Variants in GALNT18 observed in about 807,000 individuals in gnomAD.
GALNT18 encodes GalNAc-transferase 18.
A neutral mutation model predicts 69.5 loss-of-function variants in GALNT18; 44 were observed. The ratio of observed to expected loss-of-function variants is 0.63; its 90% CI spans 0.50 to 0.81. GALNT18 has a LOEUF of 0.81. Ranked by LOEUF, GALNT18 falls within the 40% of genes least tolerant of loss-of-function variation. The pLI, the probability that GALNT18 is intolerant of heterozygous loss-of-function variation, is 0.00. For missense variants in GALNT18, 715 were observed against 810.0 expected (o/e 0.88, Z 1.42); for synonymous variants, 364 against 318.2 (o/e 1.14, Z -1.53).
intron 6 of GALNT18, chr11:11,352,117 C>A (rs771189314): frequency 3.5e-5 from 57 of 1,613,532 alleles, no homozygotes; most frequent in Non-Finnish European, 4.8e-5. Context: ...CTAGATGAAC[C>A]CATTCGAGCC....
chr11:11,583,111 C>T lies in GALNT18; in HGVS notation c.235+38248G>A, dbSNP rs1859125505. The stretch of plus-strand genomic sequence containing the variant: ...AGGGCCAGCAAAGCCTGGTGCTTTC[C>T]AGCTCTTTCCTGAGAAGTTACACTC... On this transcript the variant is annotated intron_variant, in intron 1 of 10. Coordinates refer to ENST00000227756, the MANE Select transcript of GALNT18 (RefSeq NM_198516.3). This position sits in a 1 kb window ranked among gnomAD's most constrained non-coding sequence, Gnocchi z 4.7. Among the ~76,000 whole-genome samples the T allele has an allele frequency of 6.6e-6, 1 of 152,224 alleles. No individual in the cohort carries two copies. Among genetic ancestry groups the T allele is most frequent in the Non-Finnish European group, 1.5e-5 (1 of 68,038 alleles).
In GALNT18 at chr11:11,388,716, A is replaced by G. The variant is rs538033558; in HGVS notation, c.596-9452T>C. Among the ~76,000 whole-genome samples the G allele has an allele frequency of 2.3e-4, 35 of 152,146 alleles. No individual in the cohort carries two copies. The South Asian group carries it at 7.1e-3, about 31-fold the overall frequency. On this transcript the variant is annotated intron_variant, in intron 3 of 10. Coordinates refer to ENST00000227756, the MANE Select transcript of GALNT18 (RefSeq NM_198516.3). ...CCCAGGGCTGGTCTAACGCTCTGTG[A>G]CCCTTCCCCTACACCACATAATGTG...
Position 11,621,049 on chromosome 11 carries a change from G to A in GALNT18, c.235+310C>T, listed in dbSNP as rs930720989. Among the ~76,000 whole-genome samples the A allele has an allele frequency of 6.6e-6, 1 of 152,148 alleles. No homozygotes were observed. The highest frequency in any genetic ancestry group is 2.4e-5 in the African/African-American group (1 of 41,438). ...CTTGTGTGCGATCCCGAGAGCCCGC[G>A]AGCAACCAGCCCAGAGTCACACGCA... On this transcript the variant is annotated intron_variant, in intron 1 of 10. Coordinates refer to ENST00000227756, the MANE Select transcript of GALNT18 (RefSeq NM_198516.3). This position sits in a 1 kb window ranked among gnomAD's most constrained non-coding sequence, Gnocchi z 9.3.
At chr11:11,378,505 TC>T (rs1352644721) in intron 4 of GALNT18, among the ~76,000 whole-genome samples, 4 of 152,196 alleles carry the variant, frequency 2.6e-5, no homozygotes, top group Admixed American at 2.0e-4. Context: ...TTCTGTCTGG[TC>T]CCTTTCCCCC....
At chr11:11,581,063 T>C (rs1251948550) in intron 1 of GALNT18, among the ~76,000 whole-genome samples, 2 of 152,366 alleles carry the variant, frequency 1.3e-5, no homozygotes, top group East Asian at 1.9e-4. Flanking sequence ...ATTTATGTGC[T>C]GCATGTGTTT....
chr11:11,273,671 A>G (rs948817634), intron 10 of GALNT18, among the ~76,000 whole-genome samples: 2 of 152,208 alleles, frequency 1.3e-5, no homozygotes, highest in African/African-American at 4.8e-5. Context: ...CTACTGTATA[A>G]TCTAGCAATC....
Position 11,293,055 on chromosome 11 carries a change from T to C in GALNT18, c.1651A>G (p.Met551Val), listed in dbSNP as rs1209707485. Residue 551 changes from methionine to valine, a missense_variant, in exon 10 of 11, where the codon ATG becomes GTG. Coordinates refer to ENST00000227756, the MANE Select transcript of GALNT18 (RefSeq NM_198516.3). ...IECSYAKAKRMKLHWQFSQGG... is the reference protein window; with the variant it reads ...IECSYAKAKRVKLHWQFSQGG... ...TGAGAGAACTGCCAGTGAAGCTTCA[T>C]CCTCTTGGCTTTGGCGTAGCTGCAT... The C allele has an allele frequency of 1.1e-5, 15 of 1,387,986 alleles. No individual in the cohort carries two copies. The highest frequency in any genetic ancestry group is 1.4e-5 in the Non-Finnish European group (15 of 1,062,118). The allele number at this position is 1,387,986 out of a possible 1,614,324, so 86.0% of individuals were successfully genotyped here. A position where few individuals can be genotyped will look rare whatever the true frequency, so the allele number is the denominator to read the frequency against.
chr11:11,316,203 G>A (rs1369682883), intron 9 of GALNT18, among the ~76,000 whole-genome samples: 42 of 152,134 alleles, frequency 2.8e-4, no homozygotes, highest in Admixed American at 2.7e-3. Context: ...GAGTCATGGA[G>A]GGCACAAGAA....
In GALNT18 at chr11:11,377,143, G is replaced by A; in HGVS notation, c.977+39C>T. 2 of 1,593,522 alleles carry A rather than the reference G, an allele frequency of 1.3e-6. No homozygotes were observed. The highest frequency in any genetic ancestry group is 1.7e-6 in the Non-Finnish European group (2 of 1,163,802). On this transcript the variant is annotated intron_variant, in intron 5 of 10. Coordinates refer to ENST00000227756, the MANE Select transcript of GALNT18 (RefSeq NM_198516.3). This position sits in a 1 kb window ranked among gnomAD's most constrained non-coding sequence, Gnocchi z 4.6. The stretch of plus-strand genomic sequence containing the variant: ...CCAGTAGGCGGTCCCTAGCCTGGAG[G>A]TCAAAGCGGAGAGACCCACAGGTAA...
intron 1 of GALNT18, among the ~76,000 whole-genome samples, chr11:11,585,053 AAT>A (rs1453528335): frequency 1.3e-5 from 2 of 152,358 alleles, no homozygotes; most frequent in Admixed American, 1.3e-4. Context: ...TGTATAATAA[AAT>A]ATGTCCACAT....
rs1382135934 is a variant in GALNT18 at position 11,505,268 on chromosome 11, T to A, written c.236-56332A>T. ...AGTGTCTGCTATGATTAGTCATGGATTGGTTGTGAGATATTATGAATATCA... is the reference window on the plus strand; with the variant it reads ...AGTGTCTGCTATGATTAGTCATGGAATGGTTGTGAGATATTATGAATATCA... On this transcript the variant is annotated intron_variant, in intron 1 of 10. Coordinates refer to ENST00000227756, the MANE Select transcript of GALNT18 (RefSeq NM_198516.3). This position sits in a 1 kb window ranked among gnomAD's most constrained non-coding sequence, Gnocchi z 4.6. Among the ~76,000 whole-genome samples the A allele has an allele frequency of 6.6e-6, 1 of 152,198 alleles. No homozygotes were observed. Among genetic ancestry groups the A allele is most frequent in the African/African-American group, 2.4e-5 (1 of 41,444 alleles).
chr11:11,374,914 AC>A (rs1853704928), intron 5 of GALNT18, among the ~76,000 whole-genome samples: 1 of 152,238 alleles, frequency 6.6e-6, no homozygotes, highest in Non-Finnish European at 1.5e-5. Flanking sequence ...GTGGAAATGA[AC>A]ACACATGGTC....
At chr11:11,565,712 C>A (rs1190625273) in intron 1 of GALNT18, among the ~76,000 whole-genome samples, 1 of 152,214 alleles carries the variant, frequency 6.6e-6, no homozygotes, top group Non-Finnish European at 1.5e-5. Flanking sequence ...CCTCCACAAA[C>A]TAGTGGGTGA....
intron 6 of GALNT18, among the ~76,000 whole-genome samples, chr11:11,365,224 C>A (rs1248998485): frequency 6.6e-6 from 1 of 152,088 alleles, no homozygotes; most frequent in Admixed American, 6.6e-5. Context: ...TCAACTTCCA[C>A]TTATGGGTGA....
intron 3 of GALNT18, among the ~76,000 whole-genome samples, chr11:11,427,044 T>A (rs532869363): frequency 3.5e-4 from 53 of 152,326 alleles, no homozygotes; most frequent in African/African-American, 1.1e-3. Flanking sequence ...CCTACCAAAG[T>A]GCTGGGATTA....
At chr11:11,476,334 T>C (rs888503233) in intron 1 of GALNT18, 7 of 152,240 alleles carry the variant, frequency 4.6e-5, no homozygotes, top group Admixed American at 6.5e-5. Flanking sequence ...AGCTGACTTA[T>C]CAGGGCCTGG....
In GALNT18 at chr11:11,620,693, T is replaced by A. The variant is rs537403403; in HGVS notation, c.235+666A>T. On this transcript the variant is annotated intron_variant, in intron 1 of 10. Coordinates refer to ENST00000227756, the MANE Select transcript of GALNT18 (RefSeq NM_198516.3). This position sits in a 1 kb window ranked among gnomAD's most constrained non-coding sequence, Gnocchi z 6.9. ...GAGACTCCAGCGCTACTTCCCGGCG[T>A]TGACACCTGCTCCTGGAGAGGGTCC... is the stretch of plus-strand genomic sequence containing the variant. Among the ~76,000 whole-genome samples, 38 of 152,166 alleles carry A rather than the reference T, an allele frequency of 2.5e-4. No individual in the cohort carries two copies. The highest frequency in any genetic ancestry group is 1.2e-3 in the South Asian group (6 of 4,814).
intron 3 of GALNT18, among the ~76,000 whole-genome samples, chr11:11,393,823 CTCTCA>C: frequency 6.6e-6 from 1 of 152,340 alleles, no homozygotes; most frequent in Non-Finnish European, 1.5e-5. Context: ...CGTCATAGTC[CTCTCA>C]TGAGATTTAC....
intron 1 of GALNT18, among the ~76,000 whole-genome samples, chr11:11,588,270 G>T (rs1231509121): frequency 6.6e-6 from 1 of 152,038 alleles, no homozygotes; most frequent in African/African-American, 2.4e-5. Flanking sequence ...TCCCCTATTG[G>T]ACTGTGAGCT....
Sources: allele counts gnomAD v4.1 joint callset (sites outside exome capture counted in the v4.1 genomes callset), GRCh38; gene constraint gnomAD v4.1.1; non-coding constraint Gnocchi (gnomAD v3.1); transcripts MANE v1.5; gene names NCBI Gene and HGNC (gene_info 2026-07-23, HGNC 2026-07-21).